ARHGEF10L: variants seen among roughly 807,000 people sequenced by gnomAD.
The protein encoded by ARHGEF10L is Rho guanine nucleotide exchange factor 10 like.
A neutral mutation model predicts 141.2 loss-of-function variants in ARHGEF10L; 69 were observed. The observed-to-expected ratio is 0.49, with a 90% CI of 0.40 to 0.60. The LOEUF (loss-of-function observed/expected upper bound fraction) is 0.60. ARHGEF10L is among the 20% of genes least tolerant of loss of function. ARHGEF10L has a pLI of 0.00. For synonymous variants in ARHGEF10L, 711 were observed against 718.5 expected, an observed-to-expected ratio of 0.99 and a Z score of 0.17; for missense variants, 1,482 against 1,734.3, an observed-to-expected ratio of 0.85 and a Z score of 2.58.
intron 27 of ARHGEF10L, among the ~76,000 whole-genome samples, chr1:17,693,104 A>G (rs1010065481): frequency 6.6e-6 from 1 of 151,966 alleles, no homozygotes; most frequent in African/African-American, 2.4e-5. Context: ...TGTTTCCTGT[A>G]TCTCCTCTCT....
At chr1:17,613,416 C>A (rs1241298768) in intron 8 of ARHGEF10L, among the ~76,000 whole-genome samples, 2 of 152,218 alleles carry the variant, frequency 1.3e-5, no homozygotes, top group African/African-American at 4.8e-5. Flanking sequence ...GCAAGTGAAA[C>A]CCTGATAGTC....
intron 2 of ARHGEF10L, among the ~76,000 whole-genome samples, chr1:17,585,951 G>T (rs779993395): frequency 6.6e-6 from 1 of 152,172 alleles, no homozygotes; most frequent in African/African-American, 2.4e-5. Context: ...GCACTGTGCC[G>T]AGGGCTACTC....
At chr1:17,647,451 A>G (rs1288210980) in intron 21 of ARHGEF10L, among the ~76,000 whole-genome samples, 1 of 152,136 alleles carries the variant, frequency 6.6e-6, no homozygotes, top group African/African-American at 2.4e-5. Context: ...GCTGGAAGGG[A>G]GTCCTCATAG....
the ARHGEF10L span, among the ~76,000 whole-genome samples, chr1:17,515,216 G>A: frequency 6.6e-6 from 1 of 152,298 alleles, no homozygotes; most frequent in East Asian, 1.9e-4. Context: ...AGAAGTGTGG[G>A]AGAGGGTGCT....
the ARHGEF10L span, among the ~76,000 whole-genome samples, chr1:17,518,362 G>A: frequency 3.9e-5 from 6 of 152,286 alleles, no homozygotes; most frequent in East Asian, 3.9e-4. Flanking sequence ...CCCCATCCTC[G>A]GTTCTCAGGA....
intron 4 of ARHGEF10L, among the ~76,000 whole-genome samples, chr1:17,595,442 A>C (rs919870660): frequency 2.0e-5 from 3 of 152,098 alleles, no homozygotes; most frequent in East Asian, 3.9e-4. Context: ...TTGGCCCAGC[A>C]TGTGTGTGGG....
chr1:17,608,787 TATTA>T, intron 7 of ARHGEF10L, among the ~76,000 whole-genome samples: 1 of 152,268 alleles, frequency 6.6e-6, no homozygotes, highest in South Asian at 2.1e-4. Flanking sequence ...TGTTTATTTT[TATTA>T]ATTATTCTTT....
At chr1:17,669,631 CA>C (rs1007658078) in intron 26 of ARHGEF10L, among the ~76,000 whole-genome samples, 4 of 152,156 alleles carry the variant, frequency 2.6e-5, no homozygotes, top group African/African-American at 9.7e-5. Context: ...CTGGGCCCCC[CA>C]AAGCTTTCTG....
chr1:17,670,278 G>A (rs922973014), intron 26 of ARHGEF10L, among the ~76,000 whole-genome samples: 1 of 152,188 alleles, frequency 6.6e-6, no homozygotes, highest in Non-Finnish European at 1.5e-5. Context: ...TGGCACCCGC[G>A]GTCTGTCTCT....
intron 1 of ARHGEF10L, among the ~76,000 whole-genome samples, chr1:17,559,645 T>G (rs1294214720): frequency 6.6e-6 from 1 of 152,198 alleles, no homozygotes; most frequent in Non-Finnish European, 1.5e-5. Context: ...GGGGTCAGTC[T>G]GTGGGGTCTG....
the ARHGEF10L span, among the ~76,000 whole-genome samples, chr1:17,525,916 C>A: frequency 1.3e-5 from 2 of 150,546 alleles, no homozygotes; most frequent in Non-Finnish European, 2.9e-5. Context: ...ATGGAAGAAT[C>A]GCTTGAATCC....
rs1173611120 is a variant in ARHGEF10L at position 17,621,308 on chromosome 1, C to T, written c.943-556C>T. ...AGTGCAGTGGCGCGATCTTGGCCCA[C>T]TGCAACCTCTGCCTCCCAGGTTCCA... On this transcript the variant is annotated intron_variant, in intron 10 of 28. Coordinates refer to ENST00000361221, the MANE Select transcript of ARHGEF10L (RefSeq NM_018125.4). This position sits in a 1 kb window ranked among gnomAD's most constrained non-coding sequence, Gnocchi z 4.1. Among the ~76,000 whole-genome samples the T allele has an allele frequency of 6.6e-6, 1 of 152,168 alleles. No homozygotes were observed. Among genetic ancestry groups the T allele is most frequent in the Non-Finnish European group, 1.5e-5 (1 of 68,028 alleles).
the ARHGEF10L span, among the ~76,000 whole-genome samples, chr1:17,530,866 G>A: frequency 1.3e-5 from 2 of 151,960 alleles, no homozygotes; most frequent in Non-Finnish European, 2.9e-5. Flanking sequence ...TTAGCCGGGC[G>A]TGGTGGCAGG....
intron 21 of ARHGEF10L, among the ~76,000 whole-genome samples, chr1:17,646,832 G>A (rs1486256582): frequency 6.6e-6 from 1 of 152,042 alleles, no homozygotes; most frequent in Non-Finnish European, 1.5e-5. Context: ...GTCCAGCACG[G>A]TGGAGCCAGT....
chr1:17,620,842 A>G (rs1272803332), intron 10 of ARHGEF10L, among the ~76,000 whole-genome samples: 1 of 152,180 alleles, frequency 6.6e-6, no homozygotes, highest in Admixed American at 6.5e-5. Flanking sequence ...GCTGCACAAT[A>G]GAGCCACCTG....
chr1:17,656,509 G>C lies in ARHGEF10L; in HGVS notation c.2706-45G>C, dbSNP rs1309909692. 1 of 1,581,720 alleles carries C rather than the reference G, an allele frequency of 6.3e-7. No homozygotes were observed. The highest frequency in any genetic ancestry group is 8.6e-7 in the Non-Finnish European group (1 of 1,159,072). ...GGGCATGGGGGCAGTGAGTGGGTGG[G>C]AGTGCTCAGTGTGTCATGACCGCTT... is the stretch of plus-strand genomic sequence containing the variant. On this transcript the variant is annotated intron_variant, in intron 24 of 28. Coordinates refer to ENST00000361221, the MANE Select transcript of ARHGEF10L (RefSeq NM_018125.4). This position sits in a 1 kb window ranked among gnomAD's most constrained non-coding sequence, Gnocchi z 4.9.
intron 4 of ARHGEF10L, among the ~76,000 whole-genome samples, chr1:17,593,348 C>T (rs747130983): frequency 3.9e-5 from 6 of 152,164 alleles, no homozygotes; most frequent in Non-Finnish European, 8.8e-5. Flanking sequence ...TGGAGATTTC[C>T]GTGTCTTCAT....
chr1:17,554,291 C>T (rs1035345344), intron 1 of ARHGEF10L, among the ~76,000 whole-genome samples: 1 of 152,068 alleles, frequency 6.6e-6, no homozygotes, highest in African/African-American at 2.4e-5. Flanking sequence ...AGAGCTCAGC[C>T]TTGCCAAGGA....
the ARHGEF10L span, among the ~76,000 whole-genome samples, chr1:17,518,409 A>G: frequency 8.5e-5 from 13 of 152,168 alleles, no homozygotes; most frequent in African/African-American, 2.9e-4. Context: ...GTGTGGTTGA[A>G]TGACTTGTTC....
Sources: allele counts gnomAD v4.1 joint callset (sites outside exome capture counted in the v4.1 genomes callset), GRCh38; gene constraint gnomAD v4.1.1; non-coding constraint Gnocchi (gnomAD v3.1); transcripts MANE v1.5; gene names NCBI Gene and HGNC (gene_info 2026-07-23, HGNC 2026-07-21).